The following PDE7A variants were observed in gnomAD, a reference collection of about 807,000 sequenced individuals.
PDE7A encodes the protein high affinity 3',5'-cyclic-AMP phosphodiesterase 7A.
A neutral mutation model predicts 64.3 loss-of-function variants in PDE7A; 39 were observed. That is an observed-to-expected ratio of 0.61 (90% CI 0.47 to 0.79). PDE7A has a LOEUF of 0.79. Ranked by LOEUF, PDE7A falls within the 30% of genes least tolerant of loss-of-function variation. The pLI is 0.00. For missense variants in PDE7A, 470 were observed against 582.8 expected, an observed-to-expected ratio of 0.81 and a Z score of 1.99; for synonymous variants, 203 against 206.8, an observed-to-expected ratio of 0.98 and a Z score of 0.16.
rs1271592081 is a variant in PDE7A at position 65,739,489 on chromosome 8, T to C, written c.595+13A>G. Reference sequence around the variant, plus strand: ...GTAAATCTTGTTACTGTTAATGGGTTAGAATCACTTACCTAAAAATCTACG... The same window carrying C: ...GTAAATCTTGTTACTGTTAATGGGTCAGAATCACTTACCTAAAAATCTACG... On this transcript the variant is annotated intron_variant, in intron 6 of 12. Transcript: ENST00000401827. 1.3e-6 allele frequency: 2 copies of C among 1,545,994 alleles called. No homozygotes were observed. Among genetic ancestry groups the C allele is most frequent in the Non-Finnish European group, 1.7e-6 (2 of 1,154,396 alleles).
intron 3 of PDE7A, among the ~76,000 whole-genome samples, chr8:65,766,640 C>T (rs1032002084): frequency 6.6e-6 from 1 of 152,208 alleles, no homozygotes; most frequent in African/African-American, 2.4e-5. Context: ...CATGCATCAC[C>T]CTCTCTCTAT....
At chr8:65,737,852 T>C (rs1563478828) in intron 6 of PDE7A, among the ~76,000 whole-genome samples, 1 of 152,198 alleles carries the variant, frequency 6.6e-6, no homozygotes, top group East Asian at 1.9e-4. Context: ...ACCAGCAACA[T>C]CTTAACTTAT....
intron 1 of PDE7A, among the ~76,000 whole-genome samples, chr8:65,784,739 A>T (rs1379724189): frequency 3.3e-5 from 5 of 152,026 alleles, no homozygotes; most frequent in African/African-American, 9.7e-5. Context: ...AAAAAAAAAA[A>T]TTTTAACTGT....
chr8:65,787,864 C>G (rs930744649), intron 1 of PDE7A, among the ~76,000 whole-genome samples: 1 of 152,042 alleles, frequency 6.6e-6, no homozygotes, highest in African/African-American at 2.4e-5. Flanking sequence ...GACCTTCATT[C>G]AATAACTTGG....
chr8:65,778,665 A>T (rs1184198404), intron 3 of PDE7A, among the ~76,000 whole-genome samples: 2 of 152,176 alleles, frequency 1.3e-5, no homozygotes, highest in Non-Finnish European at 2.9e-5. Context: ...GTCCCTACAC[A>T]TTCTTACTGA....
rs1170626375 is a variant in PDE7A, at chr8:65,841,739, C to A, written c.-231G>T. On this transcript the variant is annotated 5_prime_UTR_variant, in exon 1 of 13. Transcript: ENST00000401827. ...GCGGCGCCAATTACCAGGACCGGCGCGCGCCTCGCTCCAGGCGAGGGGGGA... is the reference window on the plus strand; with the variant it reads ...GCGGCGCCAATTACCAGGACCGGCGAGCGCCTCGCTCCAGGCGAGGGGGGA... The A allele has an allele frequency of 1.1e-4, 17 of 153,452 alleles. No homozygotes were observed. The East Asian group carries it at 3.2e-3, about 29-fold the overall frequency. The allele number at this position is 153,452 out of a possible 1,614,324, so 9.5% of individuals were successfully genotyped here. A position where few individuals can be genotyped will look rare whatever the true frequency, so the allele number is the denominator to read the frequency against.
At chr8:65,828,345 C>A (rs1435024400) in intron 1 of PDE7A, among the ~76,000 whole-genome samples, 1 of 152,060 alleles carries the variant, frequency 6.6e-6, no homozygotes, top group African/African-American at 2.4e-5. Context: ...GTTAAATTGA[C>A]AGGCATGCCA....
At chr8:65,735,185 T>C (rs1256172000) in intron 6 of PDE7A, among the ~76,000 whole-genome samples, 1 of 152,104 alleles carries the variant, frequency 6.6e-6, no homozygotes, top group Non-Finnish European at 1.5e-5. Context: ...ACAAATCCAG[T>C]GGTCTCAAAG....
intron 1 of PDE7A, among the ~76,000 whole-genome samples, chr8:65,825,207 A>AT (rs1810642347): frequency 1.3e-5 from 2 of 152,164 alleles, no homozygotes; most frequent in Non-Finnish European, 2.9e-5. Context: ...ACTTCTTTAC[A>AT]TTTTTTCATA....
At chr8:65,806,060 T>C (rs1377999313) in intron 1 of PDE7A, among the ~76,000 whole-genome samples, 1 of 152,196 alleles carries the variant, frequency 6.6e-6, no homozygotes, top group East Asian at 1.9e-4. Context: ...AGCATGAAGA[T>C]TTAGCAACAA....
rs565992537 is a variant in PDE7A, at chr8:65,769,773, G to A, written c.283+9947C>T. 2.6e-4 allele frequency among the ~76,000 whole-genome samples: 39 copies of A among 152,212 alleles called. 1 individual carries two copies. The highest frequency in any genetic ancestry group is 7.7e-4 in the African/African-American group (32 of 41,528). On this transcript the variant is annotated intron_variant, in intron 3 of 12. Coordinates refer to ENST00000401827, the MANE Select transcript of PDE7A (RefSeq NM_001242318.3). ...TAGCCGGGCATGGTAGTGATTGCCC[G>A]TAATCCTTGCTACTCAGGAGGTTGA...
intron 3 of PDE7A, among the ~76,000 whole-genome samples, chr8:65,758,653 T>C (rs575333457): frequency 6.6e-6 from 1 of 152,360 alleles, no homozygotes; most frequent in South Asian, 2.1e-4. Context: ...TTTCTACTTA[T>C]CTTTCAAACT....
chr8:65,818,633 C>G (rs1045946161), intron 1 of PDE7A, among the ~76,000 whole-genome samples: 1 of 152,128 alleles, frequency 6.6e-6, no homozygotes, highest in Non-Finnish European at 1.5e-5. Flanking sequence ...CAAGTTTGCT[C>G]TGAGTTGAAC....
At chr8:65,761,267 T>C (rs956272264) in intron 3 of PDE7A, among the ~76,000 whole-genome samples, 1 of 152,162 alleles carries the variant, frequency 6.6e-6, no homozygotes, top group Non-Finnish European at 1.5e-5. Context: ...GGTTTCACCA[T>C]GTTGGCCAGG....
chr8:65,780,415 A>G (rs1809381503), intron 2 of PDE7A, among the ~76,000 whole-genome samples: 1 of 152,234 alleles, frequency 6.6e-6, no homozygotes, highest in Non-Finnish European at 1.5e-5. Context: ...CAGTGGGTAC[A>G]TCCAAGGCCT....
At chr8:65,833,500 T>C (rs1057061523) in intron 1 of PDE7A, among the ~76,000 whole-genome samples, 10 of 152,236 alleles carry the variant, frequency 6.6e-5, no homozygotes, top group Non-Finnish European at 5.9e-5. Flanking sequence ...AGTCCACTCA[T>C]CTTCCCTGAT....
intron 1 of PDE7A, among the ~76,000 whole-genome samples, chr8:65,786,767 G>A (rs1379625627): frequency 6.6e-6 from 1 of 152,116 alleles, no homozygotes; most frequent in African/African-American, 2.4e-5. Flanking sequence ...TAACTGAGAG[G>A]CTTCTACTCG....
intron 2 of PDE7A, among the ~76,000 whole-genome samples, chr8:65,782,058 A>G (rs1585913738): frequency 6.6e-6 from 1 of 152,326 alleles, no homozygotes; most frequent in Non-Finnish European, 1.5e-5. Flanking sequence ...GAAGAAAACA[A>G]AAGTAGGTGA....
intron 1 of PDE7A, among the ~76,000 whole-genome samples, chr8:65,832,768 T>G (rs986478669): frequency 6.6e-6 from 1 of 152,194 alleles, no homozygotes; most frequent in African/African-American, 2.4e-5. Flanking sequence ...ATTACAGGCA[T>G]GAACCACCAT....
Sources: gnomAD v4.1 joint callset for allele counts (sites outside exome capture counted in the v4.1 genomes callset) on GRCh38, gnomAD v4.1.1 for gene constraint, MANE v1.5 for transcripts, NCBI Gene and HGNC (gene_info 2026-07-23, HGNC 2026-07-21) for gene names.